Variants in PDE8B observed in about 807,000 individuals in gnomAD.
PDE8B encodes phosphodiesterase 8B, also known as high affinity cAMP-specific and IBMX-insensitive 3',5'-cyclic phosphodiesterase 8B.
In PDE8B, 26 loss-of-function variants were observed where a neutral mutation model predicts 101.3. The ratio of observed to expected loss-of-function variants is 0.26; its 90% CI spans 0.19 to 0.36. PDE8B has a LOEUF of 0.36. PDE8B is among the 10% of genes least tolerant of loss of function. The probability of loss-of-function intolerance (pLI) is 1.00; values close to 1 mark genes in which losing one functional copy is unlikely to be tolerated. For missense variants in PDE8B, 810 were observed against 1,163.1 expected (o/e 0.70, Z 4.42); for synonymous variants, 424 against 429.3 (o/e 0.99, Z 0.15).
the PDE8B span, among the ~76,000 whole-genome samples, chr5:77,101,430 A>T: frequency 1.3e-5 from 2 of 152,100 alleles, no homozygotes; most frequent in Non-Finnish European, 2.9e-5. Flanking sequence ...ACTACTCAGG[A>T]TGATCCAGCT....
chr5:77,176,718 G>A, the PDE8B span, among the ~76,000 whole-genome samples: 1 of 152,196 alleles, frequency 6.6e-6, no homozygotes, highest in Non-Finnish European at 1.5e-5. Context: ...CAAGGGAGAA[G>A]AAGGAAAGCC....
At chr5:77,271,071 C>T (rs1032986347) in intron 1 of PDE8B, among the ~76,000 whole-genome samples, 8 of 152,222 alleles carry the variant, frequency 5.3e-5, no homozygotes, top group African/African-American at 1.7e-4. Context: ...ATAACTGCAT[C>T]GCAGTGGCTA....
intron 20 of PDE8B, among the ~76,000 whole-genome samples, chr5:77,424,819 GTTT>G (rs912849753): frequency 4.2e-4 from 46 of 110,092 alleles, no homozygotes; most frequent in Middle Eastern, 4.4e-3. Context: ...CTGTTTTTTT[GTTT>G]TTTGTTTTTT....
the PDE8B span, among the ~76,000 whole-genome samples, chr5:77,101,286 C>T: frequency 8.6e-5 from 13 of 152,036 alleles, no homozygotes; most frequent in African/African-American, 2.9e-4. Flanking sequence ...TTTTCTTTTG[C>T]ATTTCTTTTG....
chr5:77,417,117 G>T (rs1008278454), intron 17 of PDE8B, among the ~76,000 whole-genome samples: 1 of 152,004 alleles, frequency 6.6e-6, no homozygotes, highest in Non-Finnish European at 1.5e-5. Flanking sequence ...CATCAGCCTC[G>T]CATGGCTACT....
At chr5:77,242,913 G>C (rs1334712801) in intron 1 of PDE8B, among the ~76,000 whole-genome samples, 1 of 152,148 alleles carries the variant, frequency 6.6e-6, no homozygotes, top group African/African-American at 2.4e-5. Context: ...TGATCCGCCT[G>C]TCTCGGCCTC....
In PDE8B at chr5:77,427,050, A is replaced by AG. The variant is rs1798268325; in HGVS notation, c.*496_*497insG. ...ACAGATTTATCTAAGAAAAAAAAAAAACGACATAAAATAAGTGAAACAACT... is the reference window on the plus strand; with the variant it reads ...ACAGATTTATCTAAGAAAAAAAAAAAGACGACATAAAATAAGTGAAACAACT... On this transcript the variant is annotated 3_prime_UTR_variant, in exon 22 of 22. Transcript: ENST00000264917. 6.3e-6 allele frequency: 1 copy of AG among 158,402 alleles called. No homozygotes were observed. Among genetic ancestry groups the AG allele is most frequent in the African/African-American group, 2.4e-5 (1 of 41,308 alleles). The allele number at this position is 158,402 out of a possible 1,614,324, so 9.8% of individuals were successfully genotyped here. A position where few individuals can be genotyped will look rare whatever the true frequency, so the allele number is the denominator to read the frequency against.
rs1196312832 is a variant in PDE8B, at chr5:77,428,247, T to A, written c.*1693T>A. The A allele has an allele frequency of 2.6e-5, 4 of 152,216 alleles. No individual in the cohort carries two copies. Among genetic ancestry groups the A allele is most frequent in the Admixed American group, 2.0e-4 (3 of 15,278 alleles). The allele number at this position is 152,216 out of a possible 1,614,324, so 9.4% of individuals were successfully genotyped here. On this transcript the variant is annotated 3_prime_UTR_variant, in exon 22 of 22. Coordinates refer to ENST00000264917, the MANE Select transcript of PDE8B (RefSeq NM_003719.5). ...TTACCTCTTTGGCCTAAAGTTTTCA[T>A]AATTTCAAATTTGGGGTTTAGTGTC...
chr5:77,294,566 C>T (rs1033332088), intron 1 of PDE8B, among the ~76,000 whole-genome samples: 27 of 150,222 alleles, frequency 1.8e-4, no homozygotes, highest in East Asian at 3.9e-4. Flanking sequence ...AAGAACAGGA[C>T]GAATGCAAAT....
At chr5:77,318,665 C>T (rs1774366258) in intron 2 of PDE8B, among the ~76,000 whole-genome samples, 1 of 152,180 alleles carries the variant, frequency 6.6e-6, no homozygotes, top group African/African-American at 2.4e-5. Context: ...CATCACTTTC[C>T]TAGGGACATT....
intron 1 of PDE8B, among the ~76,000 whole-genome samples, chr5:77,280,495 A>C (rs1580762297): frequency 6.6e-6 from 1 of 152,280 alleles, no homozygotes; most frequent in Non-Finnish European, 1.5e-5. Flanking sequence ...AGAAGATTCA[A>C]CAGCAAGAAA....
rs1261011498 is a variant in PDE8B, at chr5:77,211,871, C to T, written c.339+607C>T. On this transcript the variant is annotated intron_variant, in intron 1 of 21. Transcript: ENST00000264917. This position sits in a 1 kb window ranked among gnomAD's most constrained non-coding sequence, Gnocchi z 4.1. The stretch of plus-strand genomic sequence containing the variant: ...TCACTGTAACGTTTCTCTGGGTTGG[C>T]TGCATCCTAGACAGAATTGAGAGAA... Among the ~76,000 whole-genome samples the T allele has an allele frequency of 6.6e-6, 1 of 152,118 alleles. No homozygotes were observed. The highest frequency in any genetic ancestry group is 1.5e-5 in the Non-Finnish European group (1 of 68,020).
the PDE8B span, chr5:77,113,250 A>T: frequency 1.3e-5 from 2 of 152,060 alleles, no homozygotes; most frequent in African/African-American, 4.8e-5. Context: ...TGGAGGCATC[A>T]TGCTACCTGA....
chr5:77,414,623 G>C (rs1795176021), intron 17 of PDE8B, among the ~76,000 whole-genome samples: 2 of 151,308 alleles, frequency 1.3e-5, no homozygotes, highest in Admixed American at 1.3e-4. Context: ...GTAGAGACAG[G>C]GTTTCACCAT....
At chr5:77,297,853 A>T (rs1388839279) in intron 1 of PDE8B, among the ~76,000 whole-genome samples, 1 of 152,082 alleles carries the variant, frequency 6.6e-6, no homozygotes, top group Non-Finnish European at 1.5e-5. Context: ...ATTCTCACTG[A>T]TCCTTCAACA....
At chr5:77,333,961 A>C (rs1777627084) in intron 5 of PDE8B, among the ~76,000 whole-genome samples, 2 of 152,212 alleles carry the variant, frequency 1.3e-5, no homozygotes, top group Admixed American at 1.3e-4. Context: ...CCATTTGCCC[A>C]TTAGGTCAGG....
Position 77,214,723 on chromosome 5 carries a change from G to A in PDE8B, c.339+3459G>A, listed in dbSNP as rs187953717. 3.3e-5 allele frequency among the ~76,000 whole-genome samples: 5 copies of A among 152,280 alleles called. No homozygotes were observed. The East Asian group carries it at 7.7e-4, about 23-fold the overall frequency. On this transcript the variant is annotated intron_variant, in intron 1 of 21. Coordinates refer to ENST00000264917, the MANE Select transcript of PDE8B (RefSeq NM_003719.5). Reference sequence around the variant, plus strand: ...GAAAAAAGTCATTTTTGTTTTCTAAGTCAGTGTTTTGGAGTCAAACTTTAC... The same window carrying A: ...GAAAAAAGTCATTTTTGTTTTCTAAATCAGTGTTTTGGAGTCAAACTTTAC...
At chr5:77,332,345 G>T (rs1027432710) in intron 5 of PDE8B, among the ~76,000 whole-genome samples, 2 of 152,042 alleles carry the variant, frequency 1.3e-5, no homozygotes, top group African/African-American at 4.8e-5. Flanking sequence ...AGAGGACCAT[G>T]GTTTACTTAT....
the PDE8B span, among the ~76,000 whole-genome samples, chr5:77,191,686 C>T: frequency 6.6e-6 from 1 of 152,168 alleles, no homozygotes; most frequent in East Asian, 1.9e-4. Flanking sequence ...CGGTCCCCAA[C>T]CTTTTTGGCA....
Sources: allele counts gnomAD v4.1 joint callset (sites outside exome capture counted in the v4.1 genomes callset), GRCh38; gene constraint gnomAD v4.1.1; non-coding constraint Gnocchi (gnomAD v3.1); transcripts MANE v1.5; gene names NCBI Gene and HGNC (gene_info 2026-07-23, HGNC 2026-07-21).